TBC1D5: variants seen among roughly 807,000 people sequenced by gnomAD.
TBC1D5 encodes the protein TBC1 domain family, member 5.
A neutral mutation model predicts 100.3 loss-of-function variants in TBC1D5; 75 were observed. The observed-to-expected ratio is 0.75, with a 90% confidence interval of 0.62 to 0.91. The LOEUF is 0.91. Ranked by LOEUF, TBC1D5 falls within the 40% of genes least tolerant of loss-of-function variation. TBC1D5 has a pLI of 0.00. For synonymous variants in TBC1D5, 323 were observed against 325.6 expected (o/e 0.99, Z 0.09); for missense variants, 910 against 942.4 (o/e 0.97, Z 0.45).
chr3:17,740,156 A>G (rs1159987993), exon 1 of TBC1D5: 1 of 151,946 alleles, frequency 6.6e-6, no homozygotes, highest in Non-Finnish European at 1.5e-5. Flanking sequence ...CGTCTCTACT[A>G]AAAAAGAACA....
intron 4 of TBC1D5, among the ~76,000 whole-genome samples, chr3:17,419,046 A>G (rs2094148512): frequency 6.6e-6 from 1 of 152,198 alleles, no homozygotes; most frequent in Non-Finnish European, 1.5e-5. Context: ...CCCCAAGAAT[A>G]CTGACAGATA....
At position 17,235,165 on chromosome 3, in the gene TBC1D5, A is replaced by G. The variant is rs1275619089; in HGVS notation, c.1588+2998T>C. Among the ~76,000 whole-genome samples the G allele has an allele frequency of 9.9e-5, 15 of 152,166 alleles. 1 individual carries two copies. Among genetic ancestry groups the G allele is most frequent in the Admixed American group, 9.2e-4 (14 of 15,270 alleles). ...AAATATCACCAAAACAATTACAGGG[A>G]ACATCTGGGCTGCTCCTTCACTATC... On this transcript the variant is annotated intron_variant, in intron 17 of 21. Coordinates refer to ENST00000253692, the Ensembl canonical transcript of TBC1D5.
chr3:17,227,446 T>G (rs1308314007), intron 17 of TBC1D5, among the ~76,000 whole-genome samples: 2 of 152,144 alleles, frequency 1.3e-5, no homozygotes, highest in Non-Finnish European at 2.9e-5. Context: ...AATGTTTTTT[T>G]GGGGGAGGAT....
intron 4 of TBC1D5, among the ~76,000 whole-genome samples, chr3:17,413,366 A>C (rs1405375125): frequency 1.3e-5 from 2 of 152,180 alleles, no homozygotes; most frequent in African/African-American, 4.8e-5. Context: ...TCAAAAAATA[A>C]AGTCAACTTC....
At chr3:17,742,154 C>CCGCCCAGCT (rs2077512498), upstream of TBC1D5, among the ~76,000 whole-genome samples, 1 of 152,202 alleles carries the variant, frequency 6.6e-6, no homozygotes, top group Non-Finnish European at 1.5e-5. Flanking sequence ...AGCAGCCACC[C>CCGCCCAGCT]CGCCCAGCTC....
At chr3:17,167,208 A>C (rs1015182933) in intron 20 of TBC1D5, among the ~76,000 whole-genome samples, 1 of 152,164 alleles carries the variant, frequency 6.6e-6, no homozygotes, top group Non-Finnish European at 1.5e-5. Flanking sequence ...TTAAAACAGG[A>C]AGCACAATTT....
intron 3 of TBC1D5, among the ~76,000 whole-genome samples, chr3:17,488,994 C>T (rs542139266): frequency 1.3e-5 from 2 of 150,836 alleles, no homozygotes; most frequent in Non-Finnish European, 3.0e-5. Flanking sequence ...AGTTTCATTC[C>T]CAAACCATCC....
At chr3:17,465,631 TAC>T (rs1168522955) in intron 3 of TBC1D5, 2 of 152,208 alleles carry the variant, frequency 1.3e-5, no homozygotes, top group Non-Finnish European at 2.9e-5. Flanking sequence ...CACAAACACA[TAC>T]ACACTTCTTT....
intron 17 of TBC1D5, among the ~76,000 whole-genome samples, chr3:17,219,530 A>T (rs888496891): frequency 1.3e-5 from 2 of 151,060 alleles, no homozygotes; most frequent in Non-Finnish European, 3.0e-5. Flanking sequence ...TGGACATTTT[A>T]ATAATATGTG....
At chr3:17,207,101 A>AT (rs1015044521) in intron 18 of TBC1D5, among the ~76,000 whole-genome samples, 28 of 151,968 alleles carry the variant, frequency 1.8e-4, no homozygotes, top group African/African-American at 6.0e-4. Flanking sequence ...TGCCCAGCTA[A>AT]TTTTTTTGTT....
chr3:17,599,925 G>A (rs1191668956), intron 2 of TBC1D5, among the ~76,000 whole-genome samples: 2 of 152,178 alleles, frequency 1.3e-5, no homozygotes, highest in Non-Finnish European at 2.9e-5. Context: ...GATACTATAT[G>A]TCCCCAAAAC....
intron 13 of TBC1D5, among the ~76,000 whole-genome samples, chr3:17,327,198 T>A (rs2086257382): frequency 6.6e-6 from 1 of 152,216 alleles, no homozygotes; most frequent in Non-Finnish European, 1.5e-5. Flanking sequence ...TCTGTCCTCA[T>A]GAAGTTTATT....
intron 4 of TBC1D5, among the ~76,000 whole-genome samples, chr3:17,418,111 G>C (rs2094127128): frequency 6.6e-6 from 1 of 152,104 alleles, no homozygotes; most frequent in Non-Finnish European, 1.5e-5. Flanking sequence ...CGTATGTTCA[G>C]ATACAAGGAC....
intron 1 of TBC1D5, among the ~76,000 whole-genome samples, chr3:17,630,839 T>C (rs2063430322): frequency 1.4e-5 from 2 of 144,684 alleles, no homozygotes. Context: ...ATCGAGACCA[T>C]CCTGGCTAAC....
At chr3:17,730,344 G>A (rs2076457050) in intron 1 of TBC1D5, among the ~76,000 whole-genome samples, 1 of 152,194 alleles carries the variant, frequency 6.6e-6, no homozygotes, top group African/African-American at 2.4e-5. Flanking sequence ...ACAAAATACA[G>A]CAGAAGTAAT....
chr3:17,339,821 A>T (rs1480483350), intron 13 of TBC1D5, among the ~76,000 whole-genome samples: 1 of 152,234 alleles, frequency 6.6e-6, no homozygotes, highest in Non-Finnish European at 1.5e-5. Context: ...AGAGAAGTAA[A>T]GACATTGGTC....
rs1490607895 is a variant in TBC1D5, at chr3:17,723,145, T to A, written c.-101+16198A>T. Among the ~76,000 whole-genome samples, 3 of 152,182 alleles carry A rather than the reference T, an allele frequency of 2.0e-5. No individual in the cohort carries two copies. In the East Asian group the frequency reaches 5.8e-4, roughly 29 times the overall value. On this transcript the variant is annotated intron_variant, in intron 1 of 21. Coordinates refer to ENST00000253692, the Ensembl canonical transcript of TBC1D5. ...GTCTAGGGTGACTAGACAATAATAA[T>A]AATGGTACATTCTAAAGTAACTAAA...
intron 3 of TBC1D5, among the ~76,000 whole-genome samples, chr3:17,466,045 C>T (rs1034252603): frequency 6.6e-6 from 1 of 152,192 alleles, no homozygotes; most frequent in African/African-American, 2.4e-5. Context: ...CCACATTTTC[C>T]TGTTACAGGG....
chr3:17,625,751 G>A (rs2062997486), intron 1 of TBC1D5, among the ~76,000 whole-genome samples: 1 of 151,636 alleles, frequency 6.6e-6, no homozygotes, highest in African/African-American at 2.4e-5. Flanking sequence ...CATTGTTCAT[G>A]CCACTAGATA....
Sources: gnomAD v4.1 joint callset for allele counts (sites outside exome capture counted in the v4.1 genomes callset) on GRCh38, gnomAD v4.1.1 for gene constraint, MANE v1.5 for transcripts, NCBI Gene and HGNC (gene_info 2026-07-23, HGNC 2026-07-21) for gene names.